Variants in PTPRG observed in about 807,000 individuals in gnomAD.
PTPRG encodes the protein protein tyrosine phosphatase receptor type G, also known as receptor-type tyrosine-protein phosphatase gamma.
In PTPRG, 102 loss-of-function variants were observed where a neutral mutation model predicts 165.3. That is an observed-to-expected ratio of 0.62 (90% CI 0.53 to 0.73). The LOEUF (loss-of-function observed/expected upper bound fraction) is 0.73, where lower values mean the gene tolerates loss of function less well. Among genes scored for constraint, PTPRG ranks in the 30% least tolerant of loss-of-function variants. The pLI is 0.00. For missense variants in PTPRG, 1,866 were observed against 1,861.4 expected, an observed-to-expected ratio of 1.00 and a Z score of -0.05; for synonymous variants, 675 against 669.5, an observed-to-expected ratio of 1.01 and a Z score of -0.13.
chr3:61,854,327 G>A (rs944295484), intron 2 of PTPRG, among the ~76,000 whole-genome samples: 5 of 152,022 alleles, frequency 3.3e-5, no homozygotes, highest in South Asian at 4.2e-4. Context: ...ATTGAGCCTC[G>A]GTTTCTTATC....
rs373512899 is a variant in PTPRG at position 61,720,807 on chromosome 3, C to T, written c.86-28071C>T. ...TGACCTCCATTGATGGATTAATCCC[C>T]GCCAATGGAAAATGCAGTTAGAGGC... On this transcript the variant is annotated intron_variant, in intron 1 of 29. Coordinates refer to ENST00000474889, the MANE Select transcript of PTPRG (RefSeq NM_002841.4). Among the ~76,000 whole-genome samples the T allele has an allele frequency of 3.2e-4, 48 of 152,266 alleles. No homozygotes were observed. In the South Asian group the frequency reaches 8.5e-3, roughly 27 times the overall value.
In PTPRG at chr3:62,228,523, A is replaced by AG; in HGVS notation, c.2289-2702_2289-2701insG. ...AGCAAAACTCCATCTCAAAAAAAAA[A>AG]AAGAAAGAAAGAAAAAAGAAAAAGA... On this transcript the variant is annotated intron_variant, in intron 13 of 29. Transcript: ENST00000474889. This position sits in a 1 kb window ranked among gnomAD's most constrained non-coding sequence, Gnocchi z 4.1. Among the ~76,000 whole-genome samples, 1 of 151,916 alleles carries AG rather than the reference A, an allele frequency of 6.6e-6. No individual in the cohort carries two copies. Among genetic ancestry groups the AG allele is most frequent in the East Asian group, 1.9e-4 (1 of 5,166 alleles).
intron 1 of PTPRG, among the ~76,000 whole-genome samples, chr3:61,651,158 A>G (rs1702343619): frequency 6.6e-6 from 1 of 151,736 alleles, no homozygotes; most frequent in Admixed American, 6.6e-5. Flanking sequence ...TAAAGGAAAA[A>G]CATAATTTCT....
chr3:61,651,022 G>A (rs1575563865), intron 1 of PTPRG, among the ~76,000 whole-genome samples: 1 of 151,880 alleles, frequency 6.6e-6, no homozygotes, highest in Non-Finnish European at 1.5e-5. Flanking sequence ...TAATGGCTCC[G>A]ATAAATTACA....
chr3:61,608,626 T>C (rs1389790762), intron 1 of PTPRG, among the ~76,000 whole-genome samples: 2 of 152,208 alleles, frequency 1.3e-5, no homozygotes, highest in Non-Finnish European at 2.9e-5. Flanking sequence ...TTTGAGCTGC[T>C]CAATCAGCTG....
intron 1 of PTPRG, among the ~76,000 whole-genome samples, chr3:61,575,170 T>C (rs1377700791): frequency 6.6e-6 from 1 of 152,220 alleles, no homozygotes; most frequent in African/African-American, 2.4e-5. Context: ...GTTTCTTAAC[T>C]GAAATGAGGG....
intron 8 of PTPRG, among the ~76,000 whole-genome samples, chr3:62,179,962 A>G (rs930892353): frequency 2.0e-4 from 31 of 152,338 alleles, no homozygotes; most frequent in African/African-American, 7.2e-4. Flanking sequence ...GTGGCCAGGA[A>G]GTAGCAGAGA....
At chr3:61,671,762 C>A (rs111808320) in intron 1 of PTPRG, among the ~76,000 whole-genome samples, 3 of 77,844 alleles carry the variant, frequency 3.9e-5, no homozygotes, top group South Asian at 1.0e-3. Flanking sequence ...GCTGGCCGGG[C>A]GGGGGGCTGA....
intron 3 of PTPRG, among the ~76,000 whole-genome samples, chr3:62,000,589 T>C (rs2041149711): frequency 6.6e-6 from 1 of 152,146 alleles, no homozygotes; most frequent in Admixed American, 6.5e-5. Context: ...TGCCTGCTCT[T>C]CAGAACCGAC....
intron 12 of PTPRG, 51 bp downstream of exon 12, chr3:62,204,001 A>T: frequency 6.7e-7 from 1 of 1,502,216 alleles, no homozygotes; most frequent in Non-Finnish European, 8.9e-7. Context: ...GAATAGTCGT[A>T]CCCTTTTTCA....
At chr3:61,581,187 A>C (rs1187749836) in intron 1 of PTPRG, among the ~76,000 whole-genome samples, 1 of 152,204 alleles carries the variant, frequency 6.6e-6, no homozygotes, top group Non-Finnish European at 1.5e-5. Flanking sequence ...CTGTGCTCTC[A>C]GTTAGTTCTA....
At chr3:61,649,864 G>T (rs1702302209) in intron 1 of PTPRG, among the ~76,000 whole-genome samples, 1 of 152,114 alleles carries the variant, frequency 6.6e-6, no homozygotes, top group African/African-American at 2.4e-5. Context: ...CTTGGTTTGG[G>T]GTTTGAATCC....
intron 4 of PTPRG, among the ~76,000 whole-genome samples, chr3:62,076,188 G>A (rs1177651468): frequency 2.6e-5 from 4 of 152,126 alleles, no homozygotes; most frequent in African/African-American, 9.7e-5. Context: ...TTAGGAGGCT[G>A]AGGTGGGAGG....
chr3:62,069,637 GTCTCTCTCTCTCTCTC>G (rs537162206), intron 4 of PTPRG, among the ~76,000 whole-genome samples: 1,675 of 141,084 alleles, frequency 0.012, 31 homozygotes, highest in East Asian at 0.063. Context: ...TAGGATCGAT[GTCTCTCTCTCTCTCTC>G]TCTCTCTCTC....
At chr3:62,196,371 C>T (rs1699964111) in intron 10 of PTPRG, among the ~76,000 whole-genome samples, 1 of 151,762 alleles carries the variant, frequency 6.6e-6, no homozygotes, top group African/African-American at 2.4e-5. Flanking sequence ...CCACTGCACT[C>T]CAGGCTGGGC....
chr3:61,968,595 T>C (rs2040321350), intron 2 of PTPRG, among the ~76,000 whole-genome samples: 3 of 152,230 alleles, frequency 2.0e-5, no homozygotes, highest in South Asian at 4.1e-4. Flanking sequence ...TCTGCCATTG[T>C]ATCCTTGCCA....
intron 2 of PTPRG, among the ~76,000 whole-genome samples, chr3:61,824,721 G>A (rs1440303186): frequency 1.3e-5 from 2 of 152,206 alleles, no homozygotes; most frequent in East Asian, 3.9e-4. Flanking sequence ...AGCCCAGGAA[G>A]TCAAGGTTGC....
At chr3:62,077,200 A>G (rs1701416805) in intron 4 of PTPRG, among the ~76,000 whole-genome samples, 1 of 151,956 alleles carries the variant, frequency 6.6e-6, no homozygotes, top group Admixed American at 6.6e-5. Flanking sequence ...TAGGAGATGG[A>G]GGCCGCAGTG....
intron 1 of PTPRG, among the ~76,000 whole-genome samples, chr3:61,573,162 G>A (rs115024174): frequency 0.013 from 2,025 of 152,286 alleles, 45 homozygotes; most frequent in African/African-American, 0.046. Context: ...GTTCAGTTAA[G>A]ACAAAAGTGT....
Sources: allele counts gnomAD v4.1 joint callset (sites outside exome capture counted in the v4.1 genomes callset), GRCh38; gene constraint gnomAD v4.1.1; non-coding constraint Gnocchi (gnomAD v3.1); transcripts MANE v1.5; gene names NCBI Gene and HGNC (gene_info 2026-07-23, HGNC 2026-07-21).